PKP2: variants seen among roughly 807,000 people sequenced by gnomAD.
PKP2 encodes plakophilin-2.
A neutral mutation model predicts 83.4 loss-of-function variants in PKP2; 73 were observed. The ratio of observed to expected loss-of-function variants is 0.88; its 90% CI spans 0.72 to 1.06. The LOEUF is 1.06. PKP2 is among the 50% of genes least tolerant of loss of function. The pLI, the probability that PKP2 is intolerant of heterozygous loss-of-function variation, is 0.00. For missense variants in PKP2, 966 were observed against 1,065.4 expected (o/e 0.91, Z 1.30); for synonymous variants, 409 against 430.4 (o/e 0.95, Z 0.62).
intron 8 of PKP2, chr12:32,821,887 A>G: frequency 3.4e-6 from 1 of 297,910 alleles, no homozygotes; most frequent in East Asian, 9.0e-5. Context: ...CTGTTCCCTC[A>G]GAGTCTTGTG....
At chr12:32,892,369 G>C (rs1957081674) in intron 1 of PKP2, among the ~76,000 whole-genome samples, 1 of 149,406 alleles carries the variant, frequency 6.7e-6, no homozygotes, top group Non-Finnish European at 1.5e-5. Context: ...GCTGGAGGCA[G>C]TGGCATGATC....
At chr12:32,867,029 G>A (rs943513005) in intron 4 of PKP2, among the ~76,000 whole-genome samples, 2 of 152,134 alleles carry the variant, frequency 1.3e-5, no homozygotes, top group Non-Finnish European at 2.9e-5. Context: ...AATCTATAGT[G>A]ACAGAAACCA....
intron 5 of PKP2, among the ~76,000 whole-genome samples, chr12:32,849,883 G>A (rs1956681443): frequency 6.6e-6 from 1 of 152,142 alleles, no homozygotes; most frequent in Non-Finnish European, 1.5e-5. Flanking sequence ...CCAGATAATG[G>A]AAAGATTGGA....
At chr12:32,803,249 T>C (rs1274730867) in intron 9 of PKP2, among the ~76,000 whole-genome samples, 1 of 152,074 alleles carries the variant, frequency 6.6e-6, no homozygotes, top group Non-Finnish European at 1.5e-5. Context: ...GGCACGTGCC[T>C]GTAGTCCCAG....
At chr12:32,891,182 T>C (rs535935220) in intron 1 of PKP2, among the ~76,000 whole-genome samples, 2 of 152,304 alleles carry the variant, frequency 1.3e-5, no homozygotes, top group African/African-American at 4.8e-5. Context: ...TTTATCTTCA[T>C]ATATTTGTAG....
At chr12:32,854,492 T>C (rs1433414851) in intron 4 of PKP2, among the ~76,000 whole-genome samples, 3 of 152,230 alleles carry the variant, frequency 2.0e-5, no homozygotes, top group African/African-American at 7.2e-5. Context: ...TCCTTGCATG[T>C]AACTAGAAGA....
At chr12:32,857,903 G>A (rs1323614870) in intron 4 of PKP2, among the ~76,000 whole-genome samples, 3 of 149,484 alleles carry the variant, frequency 2.0e-5, no homozygotes, top group East Asian at 2.0e-4. Flanking sequence ...CTACAAAATC[G>A]AAGCATACGT....
chr12:32,892,069 A>G (rs557139848), intron 1 of PKP2, among the ~76,000 whole-genome samples: 2 of 152,136 alleles, frequency 1.3e-5, no homozygotes, highest in East Asian at 3.9e-4. Flanking sequence ...TCACATTCAG[A>G]GCAGAGGGCC....
At chr12:32,869,985 C>T (rs561868349) in intron 3 of PKP2, among the ~76,000 whole-genome samples, 2 of 152,282 alleles carry the variant, frequency 1.3e-5, no homozygotes, top group African/African-American at 4.8e-5. Flanking sequence ...GCCTTGGTCA[C>T]ACCACTGCAC....
intron 9 of PKP2, among the ~76,000 whole-genome samples, chr12:32,810,326 A>AT (rs1204738507): frequency 6.7e-6 from 1 of 148,880 alleles, no homozygotes; most frequent in Non-Finnish European, 1.5e-5. Flanking sequence ...GTGAAGGTCT[A>AT]TTTTTTTGCA....
At chr12:32,844,453 T>C (rs913745290) in intron 5 of PKP2, among the ~76,000 whole-genome samples, 6 of 152,086 alleles carry the variant, frequency 3.9e-5, no homozygotes, top group African/African-American at 1.2e-4. Flanking sequence ...CCAACTGATA[T>C]TAGGAGCTAA....
chr12:32,843,364 A>G, intron 5 of PKP2: 13 of 1,343,520 alleles, frequency 9.7e-6, no homozygotes, highest in Non-Finnish European at 1.2e-5. Context: ...CTCCTTTATG[A>G]ACACAGCAAA....
chr12:32,857,975 G>A (rs1490998281), intron 4 of PKP2, among the ~76,000 whole-genome samples: 2 of 141,710 alleles, frequency 1.4e-5, no homozygotes, highest in Admixed American at 7.3e-5. Context: ...CGCCTATAAC[G>A]CCAGCACTTT....
chr12:32,896,428 A>C, intron 1 of PKP2, 81 bp downstream of exon 1: 2 of 1,098,682 alleles, frequency 1.8e-6, no homozygotes, highest in Non-Finnish European at 1.2e-6. Flanking sequence ...CACTCCCAGC[A>C]CGCGGGGTGA....
intron 3 of PKP2, among the ~76,000 whole-genome samples, chr12:32,876,902 G>A (rs1956937904): frequency 1.3e-5 from 2 of 152,112 alleles, no homozygotes; most frequent in African/African-American, 2.4e-5. Flanking sequence ...GAAATCTCAT[G>A]GTGAATTTTA....
chr12:32,850,668 C>T, intron 5 of PKP2, 98 bp downstream of exon 5: 2 of 887,820 alleles, frequency 2.3e-6, no homozygotes, highest in Non-Finnish European at 3.7e-6. Flanking sequence ...ATGAGCCCAT[C>T]AATCATTTGC....
intron 4 of PKP2, among the ~76,000 whole-genome samples, chr12:32,858,007 T>G (rs1380884606): frequency 1.0e-4 from 14 of 134,088 alleles, no homozygotes; most frequent in Admixed American, 2.4e-4. Context: ...GTGAGAAGAC[T>G]GCTTGAGCCC....
chr12:32,822,322 C>T (rs893486164), intron 8 of PKP2, 145 bp downstream of exon 8: 4 of 709,924 alleles, frequency 5.6e-6, no homozygotes, highest in Non-Finnish European at 9.9e-6. Flanking sequence ...ATTAATAATA[C>T]ACACTTCAAA....
In PKP2 at chr12:32,793,613, CTTTTTTTTTT is replaced by C. The variant is rs35990527; in HGVS notation, c.2358-892_2358-883del. Among the ~76,000 whole-genome samples the C allele has an allele frequency of 1.4e-4, 11 of 76,730 alleles. No individual in the cohort carries two copies. The East Asian group carries it at 1.8e-3, about 13-fold the overall frequency. The allele number at this position is 76,730 out of a possible 152,430, so 50.3% of individuals were successfully genotyped here. ...ACTGTACTTAGTCTTTCATATTCTG[CTTTTTTTTTT>C]TTTTTTTTTTTTTTGAGGCTGGAGT... On this transcript the variant is annotated intron_variant, in intron 11 of 12. Coordinates refer to ENST00000340811, the MANE Select transcript of PKP2 (RefSeq NM_001005242.3).
Sources: allele counts gnomAD v4.1 joint callset (sites outside exome capture counted in the v4.1 genomes callset), GRCh38; gene constraint gnomAD v4.1.1; transcripts MANE v1.5; gene names NCBI Gene and HGNC (gene_info 2026-07-23, HGNC 2026-07-21).